DMD: variants seen among roughly 807,000 people sequenced by gnomAD.
DMD encodes mutant dystrophin.
DMD carries 63 observed loss-of-function variants against 330.1 expected under a neutral mutation model. That is an observed-to-expected ratio of 0.19 (90% CI 0.16 to 0.24). DMD has a LOEUF of 0.24. Ranked by LOEUF, DMD falls within the 10% of genes least tolerant of loss-of-function variation. The pLI, the probability that DMD is intolerant of heterozygous loss-of-function variation, is 1.00. For missense variants in DMD, 3,344 were observed against 2,684.1 expected, an observed-to-expected ratio of 1.25 and a Z score of -5.43; for synonymous variants, 1,223 against 959.8, an observed-to-expected ratio of 1.27 and a Z score of -5.07.
intron 48 of DMD, among the ~76,000 whole-genome samples, chrX:31,868,983 G>A (rs1215816529): frequency 1.8e-5 from 2 of 108,491 alleles, no homozygotes; most frequent in Non-Finnish European, 3.8e-5. Context: ...AAACCTATGC[G>A]TTACCTCCAA....
intron 55 of DMD, among the ~76,000 whole-genome samples, chrX:31,529,453 C>T (rs1039306618): frequency 1.8e-5 from 2 of 111,540 alleles, no homozygotes; most frequent in Non-Finnish European, 3.8e-5. Flanking sequence ...CAGGGATAAA[C>T]TGGGACAGCC....
intron 29 of DMD, among the ~76,000 whole-genome samples, chrX:32,428,257 C>T (rs1442794819): frequency 1.8e-5 from 2 of 111,689 alleles, no homozygotes; most frequent in Non-Finnish European, 3.8e-5. Context: ...TTTAACCATC[C>T]ATTTTGAATT....
intron 7 of DMD, among the ~76,000 whole-genome samples, chrX:32,770,894 G>C (rs771746935): frequency 1.8e-5 from 2 of 112,003 alleles, no homozygotes; most frequent in Non-Finnish European, 3.8e-5. Context: ...GGAGAGGTTG[G>C]CTCTACTTAA....
chrX:31,588,888 T>C, intron 55 of DMD, among the ~76,000 whole-genome samples: 1 of 104,249 alleles, frequency 9.6e-6, no homozygotes, highest in South Asian at 4.4e-4. Flanking sequence ...TTTTTTTTTT[T>C]TCAACTTGGA....
intron 2 of DMD, among the ~76,000 whole-genome samples, chrX:32,863,691 A>G (rs909042601): frequency 1.3e-4 from 14 of 110,755 alleles, no homozygotes; most frequent in African/African-American, 4.3e-4. Flanking sequence ...GATCTAGTAG[A>G]GGAAACATTA....
At chrX:31,133,047 T>C (rs756994262) in intron 77 of DMD, among the ~76,000 whole-genome samples, 1 of 112,112 alleles carries the variant, frequency 8.9e-6, no homozygotes, top group Admixed American at 9.5e-5. Context: ...TGCACAACGT[T>C]TACTTGCACA....
chrX:31,168,755 A>G (rs1379231335), intron 74 of DMD, among the ~76,000 whole-genome samples: 1 of 110,822 alleles, frequency 9.0e-6, no homozygotes, highest in Non-Finnish European at 1.9e-5. Context: ...GACCTGTGAC[A>G]TAATAAATGT....
intron 16 of DMD, among the ~76,000 whole-genome samples, chrX:32,546,031 T>C (rs2048936464): frequency 9.3e-6 from 1 of 107,667 alleles, no homozygotes; most frequent in Admixed American, 1.0e-4. Flanking sequence ...AGACACTTCT[T>C]GGTTTAGAAT....
intron 4 of DMD, among the ~76,000 whole-genome samples, chrX:32,842,083 C>T: frequency 8.9e-6 from 1 of 112,088 alleles, no homozygotes; most frequent in Middle Eastern, 4.7e-3. Context: ...GTTTTATTGC[C>T]AGGATTTTTC....
intron 1 of DMD, among the ~76,000 whole-genome samples, chrX:33,293,898 T>C (rs767824235): frequency 2.7e-5 from 3 of 111,541 alleles, no homozygotes; most frequent in Non-Finnish European, 3.8e-5. Context: ...ATTTTCATGG[T>C]CTTAGCCTCT....
rs766200686 is a variant in DMD at position 31,593,325 on chromosome X, T to C, written c.8217+34348A>G. Among the ~76,000 whole-genome samples, 8 of 111,413 alleles carry C rather than the reference T, an allele frequency of 7.2e-5. No homozygotes were observed. The South Asian group carries it at 3.0e-3, about 41-fold the overall frequency. On this transcript the variant is annotated intron_variant, in intron 55 of 78. Transcript: ENST00000357033. ...GCTATAGAATCTTCCAACTGGATAC[T>C]AGACAAAACAAAAGTTCCCAGAGCT...
At chrX:33,212,278 C>T (rs1276262202), upstream of DMD, among the ~76,000 whole-genome samples, 1 of 111,829 alleles carries the variant, frequency 8.9e-6, no homozygotes, top group African/African-American at 3.2e-5. Context: ...CTTAAAACAC[C>T]ATTTTTTTAG....
chrX:31,849,475 G>C (rs938663887), intron 48 of DMD, among the ~76,000 whole-genome samples: 1 of 110,740 alleles, frequency 9.0e-6, no homozygotes, highest in African/African-American at 3.3e-5. Context: ...CATTATAAGG[G>C]GATGGACGGC....
At chrX:31,166,115 G>A (rs1348375559) in intron 74 of DMD, among the ~76,000 whole-genome samples, 1 of 112,308 alleles carries the variant, frequency 8.9e-6, no homozygotes, top group Non-Finnish European at 1.9e-5. Flanking sequence ...TTAGTCAAAA[G>A]TGCATGCATG....
At chrX:33,000,262 AAT>A (rs2093246533) in intron 2 of DMD, among the ~76,000 whole-genome samples, 1 of 111,575 alleles carries the variant, frequency 9.0e-6, no homozygotes, top group Non-Finnish European at 1.9e-5. Flanking sequence ...TGCTTTGTTC[AAT>A]AGTGTTCATT....
chrX:32,290,981 T>C (rs73462023), intron 42 of DMD, among the ~76,000 whole-genome samples: 1 of 111,596 alleles, frequency 9.0e-6, no homozygotes, highest in Non-Finnish European at 1.9e-5. Context: ...AGTAGACATA[T>C]CTGAGTAGTA....
chrX:33,041,619 T>G, intron 1 of DMD: 7 of 1,209,409 alleles, frequency 5.8e-6, no homozygotes, highest in Non-Finnish European at 7.8e-6. Flanking sequence ...AAGCCGCATA[T>G]TTGGATCTTC....
chrX:32,446,566 G>A (rs1174882457), intron 27 of DMD, among the ~76,000 whole-genome samples: 1 of 110,022 alleles, frequency 9.1e-6, no homozygotes, highest in African/African-American at 3.3e-5. Flanking sequence ...CAGAAGCAAA[G>A]GGAAGAACAA....
intron 16 of DMD, 38 bp from the exon 17 acceptor site, chrX:32,545,372 G>C (rs1433957000): frequency 2.1e-5 from 25 of 1,171,813 alleles, no homozygotes; most frequent in Non-Finnish European, 2.9e-5. Context: ...GACATTGCTA[G>C]AAAGACTTCA....
Sources: gnomAD v4.1 joint callset for allele counts (sites outside exome capture counted in the v4.1 genomes callset) on GRCh38, gnomAD v4.1.1 for gene constraint, MANE v1.5 for transcripts, NCBI Gene and HGNC (gene_info 2026-07-23, HGNC 2026-07-21) for gene names.